The following REPS2 variants were observed in gnomAD, a reference collection of about 807,000 sequenced individuals.
REPS2 encodes ralBP1-associated Eps domain-containing protein 2.
Under a neutral mutation model 53.6 loss-of-function variants are expected in REPS2, and 23 were observed. The observed-to-expected ratio is 0.43, with a 90% confidence interval of 0.31 to 0.61. The LOEUF is 0.61. Among genes scored for constraint, REPS2 ranks in the 20% least tolerant of loss-of-function variants. The pLI is 0.11. For synonymous variants in REPS2, 238 were observed against 218.6 expected (o/e 1.09, Z -0.78); for missense variants, 446 against 534.9 (o/e 0.83, Z 1.64).
chrX:17,018,099 AT>A (rs2061522647), intron 2 of REPS2, among the ~76,000 whole-genome samples: 1 of 111,743 alleles, frequency 8.9e-6, no homozygotes, highest in Non-Finnish European at 1.9e-5. Context: ...ATATAGTCAC[AT>A]TGTTGGGTAA....
intron 14 of REPS2, among the ~76,000 whole-genome samples, chrX:17,110,625 G>A (rs1489392721): frequency 9.1e-6 from 1 of 109,584 alleles, no homozygotes; most frequent in Non-Finnish European, 1.9e-5. Flanking sequence ...CTGCAAGGCG[G>A]AGGTTGCAGT....
intron 5 of REPS2, among the ~76,000 whole-genome samples, chrX:17,037,072 C>T (rs2061775329): frequency 9.0e-6 from 1 of 110,605 alleles, no homozygotes; most frequent in East Asian, 2.9e-4. Context: ...TGAACGGACA[C>T]TATTGCCACA....
intron 14 of REPS2, among the ~76,000 whole-genome samples, chrX:17,127,222 G>A (rs756314141): frequency 1.5e-4 from 17 of 111,965 alleles, no homozygotes; most frequent in African/African-American, 5.5e-4. Flanking sequence ...CTACATGACC[G>A]TCATCTTTTC....
At chrX:17,155,343 C>T (rs1473799674), downstream of REPS2, among the ~76,000 whole-genome samples, 1 of 111,117 alleles carries the variant, frequency 9.0e-6, no homozygotes, top group African/African-American at 3.3e-5. Flanking sequence ...CCTGTTAATT[C>T]ATGAATGGAT....
intron 1 of REPS2, among the ~76,000 whole-genome samples, chrX:16,961,012 T>G (rs758493851): frequency 1.8e-5 from 2 of 112,198 alleles, no homozygotes; most frequent in East Asian, 5.5e-4. Context: ...TAGTGTTAAA[T>G]TGTCCACACT....
At chrX:17,106,415 CTTT>C (rs1228397463) in intron 14 of REPS2, among the ~76,000 whole-genome samples, 3 of 100,239 alleles carry the variant, frequency 3.0e-5, no homozygotes, top group Non-Finnish European at 2.0e-5. Flanking sequence ...CCTGAAGTAA[CTTT>C]TTTTTTTTTT....
the REPS2 span, among the ~76,000 whole-genome samples, chrX:17,166,860 A>G: frequency 8.9e-6 from 1 of 112,215 alleles, no homozygotes; most frequent in South Asian, 3.7e-4. Flanking sequence ...GTGCATACAT[A>G]TGTACACAGA....
chrX:17,178,729 A>T, the REPS2 span, among the ~76,000 whole-genome samples: 1 of 111,441 alleles, frequency 9.0e-6, no homozygotes, highest in Non-Finnish European at 1.9e-5. Context: ...GGAGATCAAG[A>T]TCATCCTGGC....
chrX:16,977,892 T>C (rs1012291705), intron 1 of REPS2, among the ~76,000 whole-genome samples: 3 of 110,796 alleles, frequency 2.7e-5, no homozygotes, highest in African/African-American at 9.9e-5. Context: ...CCAGATGGCA[T>C]TGGTTGGGCA....
chrX:17,076,397 G>A (rs193001476), intron 12 of REPS2, among the ~76,000 whole-genome samples: 1 of 111,309 alleles, frequency 9.0e-6, no homozygotes, highest in Non-Finnish European at 1.9e-5. Flanking sequence ...ATCGTATTGG[G>A]AACCCGTCCT....
chrX:16,957,197 G>A (rs1174948489), intron 1 of REPS2, among the ~76,000 whole-genome samples: 1 of 111,143 alleles, frequency 9.0e-6, no homozygotes, highest in Admixed American at 9.6e-5. Flanking sequence ...ATCACTTGAG[G>A]CCATGAGTTT....
At chrX:16,950,367 T>C (rs1007430764) in intron 1 of REPS2, among the ~76,000 whole-genome samples, 1 of 112,237 alleles carries the variant, frequency 8.9e-6, no homozygotes, top group Non-Finnish European at 1.9e-5. Flanking sequence ...TTTTGTTACA[T>C]GCAGGAGATA....
At chrX:17,101,026 T>C (rs2062787467) in intron 13 of REPS2, among the ~76,000 whole-genome samples, 1 of 110,018 alleles carries the variant, frequency 9.1e-6, no homozygotes, top group Non-Finnish European at 1.9e-5. Flanking sequence ...CTATGCCAAC[T>C]CTTGTTTTTT....
chrX:16,994,438 TAC>T (rs780711003), intron 1 of REPS2, among the ~76,000 whole-genome samples: 5 of 110,730 alleles, frequency 4.5e-5, no homozygotes, highest in Non-Finnish European at 7.6e-5. Context: ...CACATATATA[TAC>T]ACACACGTAA....
intron 1 of REPS2, among the ~76,000 whole-genome samples, chrX:17,001,705 A>G (rs2061309313): frequency 8.9e-6 from 1 of 112,435 alleles, no homozygotes; most frequent in South Asian, 3.7e-4. Flanking sequence ...CTGCTGATAA[A>G]GGCATATCCG....
rs368412311 is a variant in REPS2 at position 17,093,490 on chromosome X, A to G, written c.1517-10228A>G. Among the ~76,000 whole-genome samples the G allele has an allele frequency of 1.4e-4, 15 of 110,223 alleles. No homozygotes were observed. In the East Asian group the frequency reaches 1.4e-3, roughly 10 times the overall value. On this transcript the variant is annotated intron_variant, in intron 13 of 17. Transcript: ENST00000357277. ...CAGAGCTTCATGCTGAACTGGGGAC[A>G]AACTGAAGTCTGAGAAGTTCCTCCA...
intron 1 of REPS2, among the ~76,000 whole-genome samples, chrX:16,965,225 G>T (rs1458005050): frequency 1.0e-5 from 1 of 99,180 alleles, no homozygotes; most frequent in Non-Finnish European, 2.1e-5. Context: ...GGGCAGAGGC[G>T]CCCCTCACTT....
chrX:17,000,042 G>A (rs1464368945), intron 1 of REPS2, among the ~76,000 whole-genome samples: 2 of 68,299 alleles, frequency 2.9e-5, no homozygotes, highest in East Asian at 4.8e-4. Flanking sequence ...GCGAGACTCC[G>A]TCTCAAAAAA....
the REPS2 span, among the ~76,000 whole-genome samples, chrX:17,181,324 A>G: frequency 3.5e-5 from 4 of 112,920 alleles, no homozygotes; most frequent in Non-Finnish European, 5.6e-5. Flanking sequence ...CCTTCCCTGT[A>G]TCCACACTCT....
Sources: gnomAD v4.1 joint callset for allele counts (sites outside exome capture counted in the v4.1 genomes callset) on GRCh38, gnomAD v4.1.1 for gene constraint, MANE v1.5 for transcripts, NCBI Gene and HGNC (gene_info 2026-07-23, HGNC 2026-07-21) for gene names.